NPAS3: variants seen among roughly 807,000 people sequenced by gnomAD.
The protein encoded by NPAS3 is neuronal PAS domain-containing protein 3.
In NPAS3, 14 loss-of-function variants were observed where a neutral mutation model predicts 73.1. The ratio of observed to expected loss-of-function variants is 0.19; its 90% CI spans 0.13 to 0.30. The LOEUF (loss-of-function observed/expected upper bound fraction) is 0.30, where lower values mean the gene tolerates loss of function less well. Among genes scored for constraint, NPAS3 ranks in the 10% least tolerant of loss-of-function variants. NPAS3 has a pLI of 1.00. For missense variants in NPAS3, 1,096 were observed against 1,250.0 expected, an observed-to-expected ratio of 0.88 and a Z score of 1.86; for synonymous variants, 620 against 541.5, an observed-to-expected ratio of 1.14 and a Z score of -2.01.
At chr14:33,146,800 C>G (rs537640001) in intron 2 of NPAS3, among the ~76,000 whole-genome samples, 14 of 152,152 alleles carry the variant, frequency 9.2e-5, no homozygotes, top group Middle Eastern at 3.4e-3. Context: ...AGAGGTTTAC[C>G]GAAGGGCAGG....
chr14:33,456,595 T>C (rs897185627), intron 4 of NPAS3, among the ~76,000 whole-genome samples: 7 of 152,188 alleles, frequency 4.6e-5, no homozygotes, highest in African/African-American at 1.7e-4. Flanking sequence ...TTTTAAGAGC[T>C]AGTGTTGTTG....
At chr14:33,613,720 C>T (rs977515939) in intron 5 of NPAS3, among the ~76,000 whole-genome samples, 6 of 152,198 alleles carry the variant, frequency 3.9e-5, no homozygotes, top group African/African-American at 1.2e-4. Flanking sequence ...TCCTAACCCC[C>T]TGAGGCAGAA....
intron 4 of NPAS3, among the ~76,000 whole-genome samples, chr14:33,556,202 A>T (rs1032313750): frequency 6.6e-6 from 1 of 152,208 alleles, no homozygotes; most frequent in African/African-American, 2.4e-5. Flanking sequence ...TAGTAAGTAC[A>T]TGAAATCTGA....
At chr14:33,374,406 G>A (rs1277777248) in intron 4 of NPAS3, among the ~76,000 whole-genome samples, 2 of 152,074 alleles carry the variant, frequency 1.3e-5, no homozygotes, top group Non-Finnish European at 2.9e-5. Context: ...ATCATGATTA[G>A]TTGGTCCATA....
At chr14:33,019,196 T>C (rs987596374) in intron 1 of NPAS3, among the ~76,000 whole-genome samples, 2 of 152,240 alleles carry the variant, frequency 1.3e-5, no homozygotes, top group African/African-American at 4.8e-5. Flanking sequence ...CAGCCCAAGC[T>C]GTTTAGCACA....
intron 2 of NPAS3, among the ~76,000 whole-genome samples, chr14:33,131,703 A>C (rs2043641858): frequency 6.6e-6 from 1 of 152,182 alleles, no homozygotes; most frequent in South Asian, 2.1e-4. Flanking sequence ...ATGCCCACAC[A>C]GAGGAATGTA....
chr14:32,981,749 T>A (rs933262461), intron 1 of NPAS3, among the ~76,000 whole-genome samples: 16 of 152,274 alleles, frequency 1.1e-4, no homozygotes, highest in African/African-American at 3.8e-4. Context: ...TGGGGTGGTG[T>A]GGAGCGGGGG....
chr14:33,787,714 A>C (rs532644538), intron 9 of NPAS3, among the ~76,000 whole-genome samples: 1 of 152,308 alleles, frequency 6.6e-6, no homozygotes, highest in East Asian at 1.9e-4. Flanking sequence ...GCCTCGGTTG[A>C]TCCTATGAGC....
chr14:33,308,259 G>A (rs1349829183), intron 3 of NPAS3, among the ~76,000 whole-genome samples: 2 of 151,958 alleles, frequency 1.3e-5, no homozygotes, highest in African/African-American at 4.8e-5. Context: ...TACATTACTG[G>A]TGTTTGAATA....
At chr14:33,197,505 G>A (rs1184075776) in intron 2 of NPAS3, among the ~76,000 whole-genome samples, 2 of 151,536 alleles carry the variant, frequency 1.3e-5, no homozygotes, top group African/African-American at 4.9e-5. Context: ...TACTGCCAGA[G>A]ACCAGGAGCA....
At chr14:33,523,473 A>G (rs889676115) in intron 4 of NPAS3, among the ~76,000 whole-genome samples, 3 of 148,450 alleles carry the variant, frequency 2.0e-5, no homozygotes, top group Non-Finnish European at 3.0e-5. Flanking sequence ...AAAAAAAAAA[A>G]GATCCTGGGC....
chr14:33,792,886 G>A (rs1267144665), intron 9 of NPAS3, among the ~76,000 whole-genome samples: 2 of 152,228 alleles, frequency 1.3e-5, no homozygotes, highest in East Asian at 3.8e-4. Flanking sequence ...CAGCCGGTGA[G>A]CTTTCGCGGG....
intron 2 of NPAS3, among the ~76,000 whole-genome samples, chr14:33,067,352 G>T (rs1259316852): frequency 6.6e-6 from 1 of 152,230 alleles, no homozygotes; most frequent in East Asian, 1.9e-4. Context: ...CCAGTGTCCT[G>T]TGAGTGTAAA....
At chr14:33,495,952 T>C (rs1397661048) in intron 4 of NPAS3, among the ~76,000 whole-genome samples, 2 of 152,034 alleles carry the variant, frequency 1.3e-5, no homozygotes, top group African/African-American at 4.8e-5. Flanking sequence ...GATAGACTGC[T>C]AGCCAGACTA....
At chr14:33,050,211 TGACAA>T (rs1208977652) in intron 1 of NPAS3, among the ~76,000 whole-genome samples, 1 of 152,202 alleles carries the variant, frequency 6.6e-6, no homozygotes, top group Admixed American at 6.5e-5. Flanking sequence ...ACACTACCAT[TGACAA>T]GAACTCACTC....
intron 7 of NPAS3, among the ~76,000 whole-genome samples, chr14:33,773,418 C>T (rs928794629): frequency 5.9e-5 from 9 of 152,138 alleles, no homozygotes; most frequent in Admixed American, 5.2e-4. Flanking sequence ...TGCACGCACA[C>T]CCCCACCCAG....
intron 2 of NPAS3, among the ~76,000 whole-genome samples, chr14:33,144,778 G>C (rs1464799941): frequency 1.3e-5 from 2 of 152,058 alleles, no homozygotes; most frequent in Non-Finnish European, 2.9e-5. Flanking sequence ...TTTTTGTAGA[G>C]ATGGGGAGTC....
At chr14:33,166,656 C>T (rs1483396304) in intron 2 of NPAS3, among the ~76,000 whole-genome samples, 5 of 152,114 alleles carry the variant, frequency 3.3e-5, no homozygotes, top group Non-Finnish European at 7.4e-5. Flanking sequence ...TATAAGGCCC[C>T]TTTGATAGAC....
intron 8 of NPAS3, among the ~76,000 whole-genome samples, chr14:33,776,458 A>G (rs936977133): frequency 2.3e-5 from 3 of 131,106 alleles, no homozygotes; most frequent in Non-Finnish European, 4.7e-5. Context: ...CGAGTGCCTC[A>G]TGGTGCCACT....
Sources: allele counts gnomAD v4.1 joint callset (sites outside exome capture counted in the v4.1 genomes callset), GRCh38; gene constraint gnomAD v4.1.1; transcripts MANE v1.5; gene names NCBI Gene and HGNC (gene_info 2026-07-23, HGNC 2026-07-21).